The following SLC10A1 variants were observed in gnomAD, a reference collection of about 807,000 sequenced individuals.
SLC10A1 encodes the protein hepatic sodium/bile acid cotransporter.
Under a neutral mutation model 20.5 loss-of-function variants are expected in SLC10A1, and 36 were observed. That is an observed-to-expected ratio of 1.75 (90% CI 1.34 to 2.32). The LOEUF (loss-of-function observed/expected upper bound fraction) is 2.32. Ranked by LOEUF, SLC10A1 falls within the 30% of genes most tolerant of loss-of-function variation. The pLI is 0.00. For missense variants in SLC10A1, 545 were observed against 439.1 expected (o/e 1.24, Z -2.16); for synonymous variants, 188 against 163.6 (o/e 1.15, Z -1.14).
chr14:69,776,483 A>C, intron 4 of SLC10A1, 95 bp from the exon 5 acceptor site: 4 of 924,242 alleles, frequency 4.3e-6, no homozygotes, highest in Non-Finnish European at 6.9e-6. Flanking sequence ...ATACCAACTC[A>C]GCCCTAGAGT....
At chr14:69,786,657 T>C (rs1195327781) in intron 1 of SLC10A1, among the ~76,000 whole-genome samples, 11 of 152,172 alleles carry the variant, frequency 7.2e-5, no homozygotes, top group African/African-American at 2.7e-4. Flanking sequence ...ACCTCCCCCA[T>C]GCCAAGCCCA....
intron 2 of SLC10A1, among the ~76,000 whole-genome samples, chr14:69,781,206 A>G (rs898712096): frequency 6.6e-6 from 1 of 152,192 alleles, no homozygotes; most frequent in African/African-American, 2.4e-5. Context: ...AACATTCTAG[A>G]GGTTCCTGTC....
At chr14:69,790,531 ATAT>A (rs1285118819) in intron 1 of SLC10A1, among the ~76,000 whole-genome samples, 3 of 152,126 alleles carry the variant, frequency 2.0e-5, no homozygotes, top group Non-Finnish European at 2.9e-5. Flanking sequence ...ACATATTACT[ATAT>A]TATTAAAGAA....
chr14:69,788,447 C>T (rs141125276), intron 1 of SLC10A1, among the ~76,000 whole-genome samples: 1 of 151,970 alleles, frequency 6.6e-6, no homozygotes, highest in East Asian at 1.9e-4. Context: ...ATTCAAAGGA[C>T]ACCATCAAGA....
At chr14:69,788,841 C>A (rs551199714) in intron 1 of SLC10A1, among the ~76,000 whole-genome samples, 2 of 151,952 alleles carry the variant, frequency 1.3e-5, no homozygotes, top group African/African-American at 2.4e-5. Flanking sequence ...CCACCGCGCC[C>A]GGCCAATATA....
At chr14:69,792,540 T>C (rs577591469) in intron 1 of SLC10A1, among the ~76,000 whole-genome samples, 2 of 152,150 alleles carry the variant, frequency 1.3e-5, no homozygotes, top group Non-Finnish European at 2.9e-5. Flanking sequence ...AGTCTGACAA[T>C]TCCAAATATA....
chr14:69,784,793 G>GA (rs1217581145), intron 2 of SLC10A1, among the ~76,000 whole-genome samples: 2 of 151,998 alleles, frequency 1.3e-5, no homozygotes, highest in Non-Finnish European at 2.9e-5. Context: ...CAAGGGTAGA[G>GA]AGAATGATTG....
intron 1 of SLC10A1, among the ~76,000 whole-genome samples, chr14:69,791,284 G>A (rs72725745): frequency 0.075 from 11,334 of 151,960 alleles, 598 homozygotes; most frequent in East Asian, 0.16. Context: ...AAGAGTAAAA[G>A]GCTAAGAATA....
intron 2 of SLC10A1, among the ~76,000 whole-genome samples, chr14:69,780,636 G>A (rs1468842690): frequency 6.6e-6 from 1 of 152,150 alleles, no homozygotes; most frequent in African/African-American, 2.4e-5. Context: ...TTGTGTTTCT[G>A]TTTTTAATAC....
chr14:69,781,702 G>A (rs1028914585), intron 2 of SLC10A1, among the ~76,000 whole-genome samples: 5 of 152,250 alleles, frequency 3.3e-5, no homozygotes, highest in South Asian at 2.1e-4. Context: ...TATGGTGAAA[G>A]TGGCTCCTGG....
chr14:69,784,411 A>C (rs1029580920), intron 2 of SLC10A1, among the ~76,000 whole-genome samples: 18 of 152,184 alleles, frequency 1.2e-4, no homozygotes, highest in African/African-American at 4.1e-4. Flanking sequence ...CAAGGAGAGA[A>C]GAGAGGGATT....
intron 4 of SLC10A1, among the ~76,000 whole-genome samples, chr14:69,777,603 TTTAAAA>T (rs201696744): frequency 2.0e-5 from 2 of 100,604 alleles, no homozygotes; most frequent in Admixed American, 9.5e-5. Context: ...TTTTTTTTTT[TTTAAAA>T]TTGGTGTTAA....
intron 2 of SLC10A1, among the ~76,000 whole-genome samples, chr14:69,780,817 TC>T (rs1379425050): frequency 1.3e-5 from 2 of 152,248 alleles, no homozygotes; most frequent in Non-Finnish European, 2.9e-5. Context: ...TTAGTTGATT[TC>T]CCCTTTTAGA....
chr14:69,788,836 G>A (rs879483687), intron 1 of SLC10A1, among the ~76,000 whole-genome samples: 14 of 151,816 alleles, frequency 9.2e-5, no homozygotes, highest in Non-Finnish European at 1.6e-4. Context: ...GTGAGCCACC[G>A]CGCCCGGCCA....
intron 4 of SLC10A1, 42 bp downstream of exon 4, chr14:69,778,291 T>C (rs201618208): frequency 1.3e-6 from 2 of 1,509,432 alleles, no homozygotes; most frequent in Non-Finnish European, 9.0e-7. Flanking sequence ...TCAGGTCTAA[T>C]ATTGGAGCAG....
chr14:69,779,496 T>A, intron 2 of SLC10A1, 136 bp from the exon 3 acceptor site: 21 of 584,760 alleles, frequency 3.6e-5, no homozygotes, highest in Non-Finnish European at 5.8e-5. Flanking sequence ...ATGAAAGACC[T>A]TTATCTTCTT....
chr14:69,779,491 A>G, intron 2 of SLC10A1, 131 bp from the exon 3 acceptor site: 1 of 629,454 alleles, frequency 1.6e-6, no homozygotes, highest in Admixed American at 3.2e-5. Context: ...GGAATATGAA[A>G]GACCTTTATC....
intron 2 of SLC10A1, among the ~76,000 whole-genome samples, chr14:69,780,536 T>C (rs940626216): frequency 3.3e-5 from 5 of 152,260 alleles, no homozygotes; most frequent in Admixed American, 2.6e-4. Context: ...TTAATCACTT[T>C]TGAGTGTACA....
chr14:69,777,492 T>G (rs146618839), intron 4 of SLC10A1, among the ~76,000 whole-genome samples: 139 of 152,046 alleles, frequency 9.1e-4, no homozygotes, highest in African/African-American at 3.3e-3. Flanking sequence ...AAGGGACAGT[T>G]GAAGGATTTG....
Sources: gnomAD v4.1 joint callset for allele counts (sites outside exome capture counted in the v4.1 genomes callset) on GRCh38, gnomAD v4.1.1 for gene constraint, MANE v1.5 for transcripts, NCBI Gene and HGNC (gene_info 2026-07-23, HGNC 2026-07-21) for gene names.